Variants in ANXA6 observed in about 807,000 individuals in gnomAD.
The protein encoded by ANXA6 is 67 kDa calelectrin.
In ANXA6, 71 loss-of-function variants were observed where a neutral mutation model predicts 95.4. That is an observed-to-expected ratio of 0.74 (90% CI 0.61 to 0.91). ANXA6 has a LOEUF of 0.91. Ranked by LOEUF, ANXA6 falls within the 40% of genes least tolerant of loss-of-function variation. The probability of loss-of-function intolerance (pLI) is 0.00; values close to 1 mark genes in which losing one functional copy is unlikely to be tolerated. For synonymous variants in ANXA6, 289 were observed against 315.9 expected (o/e 0.91, Z 0.90); for missense variants, 830 against 876.4 (o/e 0.95, Z 0.67).
chr5:151,138,877 T>A, intron 4 of ANXA6, 86 bp from the exon 5 acceptor site: 2 of 906,386 alleles, frequency 2.2e-6, no homozygotes, highest in Admixed American at 4.0e-5. Flanking sequence ...GAGCACTTAC[T>A]CTGGCAGGTG....
intron 10 of ANXA6, among the ~76,000 whole-genome samples, 162 bp from the exon 11 acceptor site, chr5:151,131,451 C>G (rs976572569): frequency 6.6e-6 from 1 of 152,172 alleles, no homozygotes; most frequent in African/African-American, 2.4e-5. Context: ...CCCAGACCAA[C>G]CCACTTTTAC....
intron 22 of ANXA6, 132 bp downstream of exon 22, chr5:151,109,621 A>G: frequency 1.5e-6 from 1 of 684,928 alleles, no homozygotes; most frequent in Non-Finnish European, 2.6e-6. Flanking sequence ...GCCGTCACCC[A>G]TGACACGCTA....
At chr5:151,153,960 G>A (rs1766170776) in intron 1 of ANXA6, among the ~76,000 whole-genome samples, 1 of 152,038 alleles carries the variant, frequency 6.6e-6, no homozygotes, top group Non-Finnish European at 1.5e-5. Flanking sequence ...CATAGGGCGT[G>A]GCTCCTATGG....
intron 1 of ANXA6, chr5:151,155,231 T>C (rs1209232799): frequency 1.3e-5 from 2 of 152,162 alleles, no homozygotes; most frequent in East Asian, 1.9e-4. Flanking sequence ...CGAGAGGTAA[T>C]AGTGGTTACC....
intron 20 of ANXA6, among the ~76,000 whole-genome samples, chr5:151,115,208 T>C (rs991116790): frequency 2.6e-5 from 4 of 152,228 alleles, no homozygotes; most frequent in Admixed American, 6.5e-5. Context: ...CTTTTATATA[T>C]ACATAGAGAA....
At chr5:151,137,878 C>T (rs976562417) in intron 5 of ANXA6, among the ~76,000 whole-genome samples, 63 of 152,274 alleles carry the variant, frequency 4.1e-4, no homozygotes, top group Middle Eastern at 3.4e-3. Flanking sequence ...TTCTTTATAG[C>T]GATGTGAGAA....
chr5:151,135,083 G>A (rs1028660780), intron 7 of ANXA6, among the ~76,000 whole-genome samples: 1 of 152,284 alleles, frequency 6.6e-6, no homozygotes, highest in Middle Eastern at 3.4e-3. Flanking sequence ...AAAGGGAAGA[G>A]GGGCGAGCAG....
chr5:151,117,203 G>A (rs1473365771), intron 19 of ANXA6, 23 bp from the exon 20 acceptor site: 2 of 1,578,390 alleles, frequency 1.3e-6, no homozygotes, highest in Admixed American at 1.8e-5. Flanking sequence ...CAGCAAGAAA[G>A]TTCAGTCCCC....
intron 2 of ANXA6, among the ~76,000 whole-genome samples, chr5:151,140,960 T>C (rs1765819689): frequency 6.6e-6 from 1 of 152,210 alleles, no homozygotes; most frequent in Non-Finnish European, 1.5e-5. Context: ...GGTGGGGTCC[T>C]GGGCACAGGG....
intron 5 of ANXA6, 47 bp from the exon 6 acceptor site, chr5:151,137,368 T>C (rs751455206): frequency 3.2e-5 from 48 of 1,512,610 alleles, no homozygotes; most frequent in Admixed American, 1.2e-4. Flanking sequence ...GGATGGGAGG[T>C]CACTGGACAC....
At chr5:151,122,640 T>C (rs1371881107) in intron 16 of ANXA6, among the ~76,000 whole-genome samples, 1 of 152,172 alleles carries the variant, frequency 6.6e-6, no homozygotes, top group Non-Finnish European at 1.5e-5. Flanking sequence ...CAAAGCACAC[T>C]GAAAACAACT....
intron 24 of ANXA6, among the ~76,000 whole-genome samples, chr5:151,104,661 C>T (rs1173804490): frequency 1.3e-5 from 2 of 152,192 alleles, no homozygotes; most frequent in African/African-American, 4.8e-5. Flanking sequence ...CCTACCCTCC[C>T]ACCTGCCCAG....
At chr5:151,135,426 T>G (rs536931494) in intron 7 of ANXA6, among the ~76,000 whole-genome samples, 1 of 152,296 alleles carries the variant, frequency 6.6e-6, no homozygotes, top group South Asian at 2.1e-4. Context: ...GGGATTGTTA[T>G]GGCAATGAGA....
Position 151,135,853 on chromosome 5 carries a change from T to G in ANXA6, c.489+403A>C, listed in dbSNP as rs1372381863. Among the ~76,000 whole-genome samples the G allele has an allele frequency of 2.6e-5, 4 of 152,344 alleles. No individual in the cohort carries two copies. The East Asian group carries it at 7.7e-4, about 29-fold the overall frequency. On this transcript the variant is annotated intron_variant, in intron 7 of 25. Coordinates refer to ENST00000354546, the MANE Select transcript of ANXA6 (RefSeq NM_001155.5). ...AAAAATCCAACTTGGCAGGTTGAAT[T>G]CAGCCACAGACACCAATTTGTAGCC...
chr5:151,128,696 C>T (rs1423555808), intron 12 of ANXA6, among the ~76,000 whole-genome samples: 3 of 152,242 alleles, frequency 2.0e-5, no homozygotes, highest in South Asian at 4.1e-4. Flanking sequence ...TGCACATATC[C>T]GTATAGATGC....
At position 151,128,209 on chromosome 5, in the gene ANXA6, G is replaced by C; in HGVS notation, c.949C>G (p.Leu317Val). ...NDTSGEYKKTLLKLSGGDDDA... is the reference protein window; with the variant it reads ...NDTSGEYKKTVLKLSGGDDDA... ...TCATCTCCCCCAGACAGCTTCAGCA[G>C]AGTCTTCTTGTACTCGCCAGAGGTG... The change falls in exon 13 of 26, where the codon CTG (leucine) becomes GTG (valine). Residue 317 changes from leucine to valine, a missense_variant. By Grantham distance (32) the Leu-to-Val change is conservative (BLOSUM62 1). Coordinates refer to ENST00000354546, the MANE Select transcript of ANXA6 (RefSeq NM_001155.5). 6.2e-7 allele frequency: 1 copy of C among 1,612,460 alleles called. No individual in the cohort carries two copies. The highest frequency in any genetic ancestry group is 8.5e-7 in the Non-Finnish European group (1 of 1,179,382).
At chr5:151,120,376 T>A (rs1176791515) in intron 17 of ANXA6, among the ~76,000 whole-genome samples, 1 of 148,228 alleles carries the variant, frequency 6.7e-6, no homozygotes, top group Non-Finnish European at 1.5e-5. Flanking sequence ...AGACACCTAT[T>A]ATGTGCTAGC....
At position 151,138,749 on chromosome 5, in the gene ANXA6, CA is replaced by C; in HGVS notation, c.246del (p.Phe82LeufsTer4). The C allele has an allele frequency of 6.2e-7, 1 of 1,613,956 alleles. No individual in the cohort carries two copies. The highest frequency in any genetic ancestry group is 8.5e-7 in the Non-Finnish European group (1 of 1,179,864). Reference sequence around the variant, plus strand: ...CTCATCAGGCCCACAATCAACCGTTCAAACTTGCCCGTCAATTCATACTTTA... The same window carrying C: ...CTCATCAGGCCCACAATCAACCGTTCAACTTGCCCGTCAATTCATACTTTA... ...ADLKYELTGK[F>X]ERLIVGLMRP... On this transcript the variant is annotated frameshift_variant, in exon 5 of 26. Transcript: ENST00000354546. LOFTEE classifies it high-confidence loss of function.
At chr5:151,130,455 A>G (rs1765463525) in intron 11 of ANXA6, among the ~76,000 whole-genome samples, 1 of 152,130 alleles carries the variant, frequency 6.6e-6, no homozygotes, top group African/African-American at 2.4e-5. Context: ...GGGTCTTACT[A>G]TGTTGCCCAG....
Sources: allele counts gnomAD v4.1 joint callset (sites outside exome capture counted in the v4.1 genomes callset), GRCh38; gene constraint gnomAD v4.1.1; transcripts MANE v1.5; gene names NCBI Gene and HGNC (gene_info 2026-07-23, HGNC 2026-07-21).